The following EPHA3 variants were observed in gnomAD, a reference collection of about 807,000 sequenced individuals.
The protein encoded by EPHA3 is ephrin type-A receptor 3.
EPHA3 carries 42 observed loss-of-function variants against 107.1 expected under a neutral mutation model. The observed-to-expected ratio is 0.39, with a 90% CI of 0.31 to 0.51. EPHA3 has a LOEUF of 0.51. EPHA3 is among the 20% of genes least tolerant of loss of function. EPHA3 has a pLI of 0.78. For synonymous variants in EPHA3, 461 were observed against 424.8 expected (o/e 1.09, Z -1.05); for missense variants, 1,183 against 1,211.2 (o/e 0.98, Z 0.35).
At chr3:89,235,303 C>A (rs183550006) in intron 3 of EPHA3, among the ~76,000 whole-genome samples, 39 of 152,170 alleles carry the variant, frequency 2.6e-4, no homozygotes, top group African/African-American at 8.7e-4. Flanking sequence ...AAAGTGCATT[C>A]TTTTCTTTAA....
rs192859472 is a variant in EPHA3 at position 89,386,672 on chromosome 3, C to A, written c.1307-9165C>A. Among the ~76,000 whole-genome samples the A allele has an allele frequency of 1.4e-4, 22 of 152,298 alleles. No individual in the cohort carries two copies. In the East Asian group the frequency reaches 4.3e-3, roughly 30 times the overall value. On this transcript the variant is annotated intron_variant, in intron 5 of 16. Transcript: ENST00000336596. Reference sequence around the variant, plus strand: ...GAGAAGAAGGCCACTATCCTCTAGACCCCAGAATGGTGGATCCACTGACAG... The same window carrying A: ...GAGAAGAAGGCCACTATCCTCTAGAACCCAGAATGGTGGATCCACTGACAG...
intron 3 of EPHA3, among the ~76,000 whole-genome samples, chr3:89,215,134 A>T (rs574806497): frequency 6.6e-6 from 1 of 151,896 alleles, no homozygotes; most frequent in African/African-American, 2.4e-5. Context: ...GAGCTAACTT[A>T]TCTATTTACT....
chr3:89,408,240 T>C (rs1489995278), intron 9 of EPHA3, 109 bp downstream of exon 9: 38 of 1,052,618 alleles, frequency 3.6e-5, no homozygotes, highest in Non-Finnish European at 5.3e-5. Context: ...AAAAGTAGTT[T>C]TATGGAAAAA....
intron 3 of EPHA3, among the ~76,000 whole-genome samples, chr3:89,302,270 A>C (rs1706509819): frequency 6.6e-6 from 1 of 152,110 alleles, no homozygotes; most frequent in African/African-American, 2.4e-5. Flanking sequence ...GTAGTAACTA[A>C]GATCTATTTA....
intron 14 of EPHA3, 21 bp downstream of exon 14, chr3:89,449,395 A>G: frequency 2.6e-6 from 4 of 1,553,674 alleles, no homozygotes; most frequent in South Asian, 1.2e-5. Flanking sequence ...GTGGTCTATG[A>G]GTTATGAGTT....
intron 2 of EPHA3, among the ~76,000 whole-genome samples, chr3:89,186,241 G>C (rs369309714): frequency 5.9e-5 from 9 of 151,692 alleles, no homozygotes; most frequent in African/African-American, 2.2e-4. Flanking sequence ...AATCCATCTT[G>C]ATACTATATT....
chr3:89,157,225 C>T (rs1046710924), intron 2 of EPHA3, among the ~76,000 whole-genome samples: 1 of 152,068 alleles, frequency 6.6e-6, no homozygotes, highest in African/African-American at 2.4e-5. Flanking sequence ...GATCGAACCA[C>T]TTATTCTCAA....
chr3:89,213,608 C>T (rs369904044), intron 3 of EPHA3, among the ~76,000 whole-genome samples: 22 of 152,088 alleles, frequency 1.4e-4, no homozygotes, highest in South Asian at 2.1e-4. Context: ...AATATTTTTA[C>T]GGTACCAAAG....
At chr3:89,429,343 A>G (rs1335835310) in intron 12 of EPHA3, among the ~76,000 whole-genome samples, 176 bp downstream of exon 12, 1 of 152,166 alleles carries the variant, frequency 6.6e-6, no homozygotes, top group Non-Finnish European at 1.5e-5. Context: ...GCAGCATTCA[A>G]ATGTTAATGG....
rs140045337 is a variant in EPHA3, at chr3:89,235,645, C to T, written c.814+25125C>T. 9.4e-3 allele frequency among the ~76,000 whole-genome samples: 1,421 copies of T among 151,826 alleles called. 24 individuals are homozygous for T. Among genetic ancestry groups the T allele is most frequent in the African/African-American group, 0.033 (1,360 of 41,440 alleles). Reference sequence around the variant, plus strand: ...AAAAAAAGAGTATATTTTCAATATACCATAATTTTTCATGAACATGGTGTA... The same window carrying T: ...AAAAAAAGAGTATATTTTCAATATATCATAATTTTTCATGAACATGGTGTA... On this transcript the variant is annotated intron_variant, in intron 3 of 16. Transcript: ENST00000336596.
At chr3:89,379,780 A>G (rs1281822592) in intron 5 of EPHA3, among the ~76,000 whole-genome samples, 1 of 152,188 alleles carries the variant, frequency 6.6e-6, no homozygotes, top group East Asian at 1.9e-4. Context: ...ATTTTCTGAA[A>G]TACTATATTG....
intron 3 of EPHA3, among the ~76,000 whole-genome samples, chr3:89,302,460 A>T (rs944334314): frequency 8.5e-5 from 13 of 152,086 alleles, no homozygotes; most frequent in Non-Finnish European, 1.3e-4. Context: ...TATCCATTTG[A>T]GGAGTTTGAC....
At chr3:89,275,497 A>G (rs548457001) in intron 3 of EPHA3, among the ~76,000 whole-genome samples, 2 of 152,212 alleles carry the variant, frequency 1.3e-5, no homozygotes, top group African/African-American at 2.4e-5. Context: ...CTCACCTATA[A>G]TAAGTGAGGA....
chr3:89,220,900 T>C (rs1704357492), intron 3 of EPHA3, among the ~76,000 whole-genome samples: 1 of 152,246 alleles, frequency 6.6e-6, no homozygotes, highest in Non-Finnish European at 1.5e-5. Flanking sequence ...TCCTTTAGCA[T>C]GTGACTGAGC....
intron 16 of EPHA3, among the ~76,000 whole-genome samples, chr3:89,479,066 C>T (rs1174628187): frequency 6.6e-6 from 1 of 152,190 alleles, no homozygotes; most frequent in African/African-American, 2.4e-5. Flanking sequence ...AGGAAACTGT[C>T]ACTGGATTTA....
chr3:89,296,019 G>A (rs1220063715), intron 3 of EPHA3, among the ~76,000 whole-genome samples: 1 of 152,156 alleles, frequency 6.6e-6, no homozygotes, highest in Non-Finnish European at 1.5e-5. Flanking sequence ...TAAGATTGTA[G>A]CACTTCAGAC....
intron 3 of EPHA3, among the ~76,000 whole-genome samples, chr3:89,211,118 CA>C (rs1368297158): frequency 1.3e-5 from 2 of 152,046 alleles, no homozygotes; most frequent in East Asian, 3.9e-4. Flanking sequence ...GTGTCTTTTG[CA>C]CCATGATTTG....
intron 1 of EPHA3, among the ~76,000 whole-genome samples, chr3:89,116,600 G>A (rs1466180828): frequency 1.3e-5 from 2 of 151,528 alleles, no homozygotes; most frequent in Non-Finnish European, 2.9e-5. Context: ...CATATGTTTT[G>A]CATTAATTGC....
intron 15 of EPHA3, among the ~76,000 whole-genome samples, chr3:89,460,823 C>CTTTT (rs753656853): frequency 3.9e-5 from 4 of 103,022 alleles, no homozygotes; most frequent in African/African-American, 1.1e-4. Context: ...CTCTGTCTCT[C>CTTTT]TTTTTTTTTT....
Sources: gnomAD v4.1 joint callset for allele counts (sites outside exome capture counted in the v4.1 genomes callset) on GRCh38, gnomAD v4.1.1 for gene constraint, MANE v1.5 for transcripts, NCBI Gene and HGNC (gene_info 2026-07-23, HGNC 2026-07-21) for gene names.